Variants in GNE observed in about 807,000 individuals in gnomAD.
GNE encodes bifunctional UDP-N-acetylglucosamine 2-epimerase/N-acetylmannosamine kinase.
GNE carries 41 observed loss-of-function variants against 61.8 expected under a neutral mutation model. The ratio of observed to expected loss-of-function variants is 0.66; its 90% confidence interval spans 0.52 to 0.86. GNE has a LOEUF of 0.86. Among genes scored for constraint, GNE ranks in the 40% least tolerant of loss-of-function variants. The pLI is 0.00. For synonymous variants in GNE, 264 were observed against 326.4 expected (o/e 0.81, Z 2.06); for missense variants, 608 against 909.1 (o/e 0.67, Z 4.26).
Position 36,218,142 on chromosome 9 carries a change from G to T in GNE, c.1933+41C>A. 1 of 1,359,764 alleles carries T rather than the reference G, an allele frequency of 7.4e-7. No homozygotes were observed. The highest frequency in any genetic ancestry group is 1.1e-6 in the Non-Finnish European group (1 of 947,734). The allele number at this position is 1,359,764 out of a possible 1,614,324, so 84.2% of individuals were successfully genotyped here. On this transcript the variant is annotated intron_variant, in intron 11 of 11. Transcript: ENST00000642385. This position sits in a 1 kb window ranked among gnomAD's most constrained non-coding sequence, Gnocchi z 4.1. ...CGGGCTGGGCCATATGATATCTGAG[G>T]CCACCCCCTGCAGCACAGCCACCTG...
intron 9 of GNE, among the ~76,000 whole-genome samples, chr9:36,220,371 C>G (rs1828532922): frequency 2.0e-5 from 3 of 152,170 alleles, no homozygotes; most frequent in African/African-American, 7.2e-5. Context: ...AACACTGAAG[C>G]AAGAGCCTAC....
Position 36,246,438 on chromosome 9 carries a change from G to A in GNE, c.209C>T (p.Thr70Ile). 6.2e-7 allele frequency: 1 copy of A among 1,613,782 alleles called. No individual in the cohort carries two copies. Among genetic ancestry groups the A allele is most frequent in the Non-Finnish European group, 8.5e-7 (1 of 1,179,848 alleles). The change falls in exon 3 of 12, where the codon ACC becomes ATC. Residue 70 changes from threonine to isoleucine, a missense_variant. Physicochemically the swap from Thr to Ile is moderately conservative, Grantham distance 89. Coordinates refer to ENST00000642385, the MANE Select transcript of GNE (RefSeq NM_005476.7). ...TCCCCTCACAATTGTGTGTAGCCTGGTGTTAATGTCAAAGTCATCTTGTTC... is the reference window on the plus strand; with the variant it reads ...TCCCCTCACAATTGTGTGTAGCCTGATGTTAATGTCAAAGTCATCTTGTTC... ...MIEQDDFDIN[T>I]RLHTIVRGED...
At chr9:36,223,104 TA>T (rs1163662266) in intron 8 of GNE, 106 bp from the exon 9 acceptor site, 1 of 1,086,118 alleles carries the variant, frequency 9.2e-7, no homozygotes, top group Non-Finnish European at 1.4e-6. Context: ...CCAGATCTCC[TA>T]AGACAAACGT....
rs1828289901 is a variant in GNE at position 36,216,349 on chromosome 9, G to GTGTGTGTGTGTGTGTGTGTGTA, written c.*1015_*1016insTACACACACACACACACACACA. The GTGTGTGTGTGTGTGTGTGTGTA allele has an allele frequency of 2.4e-6, 1 of 418,142 alleles. No homozygotes were observed. Among genetic ancestry groups the GTGTGTGTGTGTGTGTGTGTGTA allele is most frequent in the Admixed American group, 2.4e-5 (1 of 41,458 alleles). The allele number at this position is 418,142 out of a possible 1,614,324, so 25.9% of individuals were successfully genotyped here. ...AGGATGTGTGTGTGTGTGTGTGTGT[G>GTGTGTGTGTGTGTGTGTGTGTA]TGTGTAGACGGAGTCTCGCTCTGTC... On this transcript the variant is annotated 3_prime_UTR_variant, in exon 12 of 12. Transcript: ENST00000642385.
intron 1 of GNE, among the ~76,000 whole-genome samples, chr9:36,272,917 C>CAAAAAA (rs59845826): frequency 2.6e-5 from 1 of 38,336 alleles, no homozygotes; most frequent in South Asian, 9.1e-4. Context: ...AGTAAAAATA[C>CAAAAAA]AAAAAAAAAA....
intron 3 of GNE, among the ~76,000 whole-genome samples, chr9:36,239,371 G>C (rs1829538523): frequency 6.6e-6 from 1 of 152,124 alleles, no homozygotes. Flanking sequence ...AGTATGGGAT[G>C]TGTTTCGCAG....
At chr9:36,274,612 T>A (rs1249852274) in intron 1 of GNE, among the ~76,000 whole-genome samples, 1 of 152,226 alleles carries the variant, frequency 6.6e-6, no homozygotes, top group Non-Finnish European at 1.5e-5. Context: ...TGACTCATAC[T>A]TTCTCAAACT....
intron 6 of GNE, 134 bp downstream of exon 6, chr9:36,228,887 C>T (rs1829017197): frequency 4.0e-6 from 3 of 748,416 alleles, no homozygotes; most frequent in Non-Finnish European, 7.5e-6. Context: ...ATCCCTGTCT[C>T]CCCAGCAACT....
At chr9:36,258,747 G>A (rs935291444), upstream of GNE, among the ~76,000 whole-genome samples, 8 of 152,220 alleles carry the variant, frequency 5.3e-5, no homozygotes, top group African/African-American at 1.4e-4. Context: ...GAGTCTTCCC[G>A]CTGGGTAGTT....
At chr9:36,249,830 G>A (rs975584279) in intron 1 of GNE, among the ~76,000 whole-genome samples, 2 of 151,722 alleles carry the variant, frequency 1.3e-5, no homozygotes, top group Admixed American at 6.6e-5. Flanking sequence ...CTTGCAGTGA[G>A]CTGAGATCGC....
At chr9:36,221,613 A>G (rs1379079364) in intron 9 of GNE, among the ~76,000 whole-genome samples, 2 of 152,218 alleles carry the variant, frequency 1.3e-5, no homozygotes, top group Admixed American at 6.5e-5. Flanking sequence ...AAATGTCAGA[A>G]TCAACCTTTT....
rs1055645158 is a variant in GNE at position 36,238,083 on chromosome 9, CATAGAT to C, written c.617-1105_617-1100del. Among the ~76,000 whole-genome samples, 12 of 149,264 alleles carry C rather than the reference CATAGAT, an allele frequency of 8.0e-5. No individual in the cohort carries two copies. In the East Asian group the frequency reaches 1.8e-3, roughly 22 times the overall value. ...AGATATATATAGATACACACACACA[CATAGAT>C]ATATAGATGTAGATATAAATAGATA... is the stretch of plus-strand genomic sequence containing the variant. On this transcript the variant is annotated intron_variant, in intron 3 of 11. Transcript: ENST00000642385.
intron 1 of GNE, among the ~76,000 whole-genome samples, chr9:36,255,672 T>C (rs2133152416): frequency 6.6e-6 from 1 of 152,158 alleles, no homozygotes; most frequent in African/African-American, 2.4e-5. Flanking sequence ...AAACAAGCAA[T>C]CTTTTAAATG....
At position 36,242,732 on chromosome 9, in the gene GNE, G is replaced by GCTTTTTTTTTTTTTTTTTTT. The variant is rs375794259; in HGVS notation, c.616+3298_616+3299insAAAAAAAAAAAAAAAAAAAG. Among the ~76,000 whole-genome samples the GCTTTTTTTTTTTTTTTTTTT allele has an allele frequency of 1.4e-4, 13 of 95,992 alleles. 6 individuals are homozygous for GCTTTTTTTTTTTTTTTTTTT. Among genetic ancestry groups the GCTTTTTTTTTTTTTTTTTTT allele is most frequent in the South Asian group, 7.0e-4 (2 of 2,850 alleles). 63.0% of individuals were successfully genotyped at this position (95,992 alleles called of 152,430 possible). ...CGCATCTGGCCTGGGTTTTATGCTT[G>GCTTTTTTTTTTTTTTTTTTT]TTTTTTTTTTTTTTTTTTTTTTTGA... On this transcript the variant is annotated intron_variant, in intron 3 of 11. Transcript: ENST00000642385.
chr9:36,245,716 CTT>C (rs1829843121), intron 3 of GNE, among the ~76,000 whole-genome samples: 1 of 152,082 alleles, frequency 6.6e-6, no homozygotes, highest in East Asian at 1.9e-4. Flanking sequence ...GCATATTACA[CTT>C]ATAATTTTAT....
chr9:36,235,217 A>G, intron 4 of GNE, among the ~76,000 whole-genome samples: 1 of 152,182 alleles, frequency 6.6e-6, no homozygotes, highest in Non-Finnish European at 1.5e-5. Flanking sequence ...GGATACTCAA[A>G]CTGTAGTACA....
At position 36,229,008 on chromosome 9, in the gene GNE, G is replaced by A. The variant is rs1430675811; in HGVS notation, c.1070+13C>T. 1.4e-6 allele frequency: 2 copies of A among 1,471,870 alleles called. No individual in the cohort carries two copies. Among genetic ancestry groups the A allele is most frequent in the Middle Eastern group, 1.7e-4 (1 of 5,820 alleles). 91.2% of individuals were successfully genotyped at this position (1,471,870 alleles called of 1,614,324 possible). On this transcript the variant is annotated intron_variant, in intron 6 of 11. Transcript: ENST00000642385. ...CCTTTTAAATCACTCAACAAAGAAT[G>A]TTTTATACTCACCAAGGGTACTGTT... is the stretch of plus-strand genomic sequence containing the variant.
chr9:36,247,753 G>A lies in GNE; in HGVS notation c.165-1271C>T, dbSNP rs1052423150. ...ATATTAAAAAAAAATCTGGACGGAC[G>A]CAGTGGCTCACACCTGTAATCCCAG... On this transcript the variant is annotated intron_variant, in intron 2 of 11. Transcript: ENST00000642385. Among the ~76,000 whole-genome samples the A allele has an allele frequency of 4.0e-5, 6 of 151,874 alleles. No homozygotes were observed. The South Asian group carries it at 6.2e-4, about 16-fold the overall frequency.
At chr9:36,242,602 T>G (rs1316108829) in intron 3 of GNE, among the ~76,000 whole-genome samples, 1 of 152,070 alleles carries the variant, frequency 6.6e-6, no homozygotes, top group Non-Finnish European at 1.5e-5. Context: ...GTATTTTTAG[T>G]AGAGATGGGG....
Sources: allele counts gnomAD v4.1 joint callset (sites outside exome capture counted in the v4.1 genomes callset), GRCh38; gene constraint gnomAD v4.1.1; non-coding constraint Gnocchi (gnomAD v3.1); transcripts MANE v1.5; gene names NCBI Gene and HGNC (gene_info 2026-07-23, HGNC 2026-07-21).